FSTL5: variants seen among roughly 807,000 people sequenced by gnomAD.
FSTL5 encodes the protein follistatin like 5.
Under a neutral mutation model 89.1 loss-of-function variants are expected in FSTL5, and 62 were observed. The ratio of observed to expected loss-of-function variants is 0.70; its 90% CI spans 0.57 to 0.86. The LOEUF is 0.86. Ranked by LOEUF, FSTL5 falls within the 40% of genes least tolerant of loss-of-function variation. FSTL5 has a pLI of 0.00. For missense variants in FSTL5, 1,057 were observed against 1,001.6 expected, an observed-to-expected ratio of 1.06 and a Z score of -0.75; for synonymous variants, 383 against 346.2, an observed-to-expected ratio of 1.11 and a Z score of -1.18.
At chr4:161,430,043 G>T (rs1162284676) in intron 15 of FSTL5, among the ~76,000 whole-genome samples, 1 of 151,984 alleles carries the variant, frequency 6.6e-6, no homozygotes, top group Admixed American at 6.6e-5. Flanking sequence ...CAAAGAGATT[G>T]AAATAATTAA....
At chr4:162,024,837 T>G (rs1477673111) in intron 3 of FSTL5, among the ~76,000 whole-genome samples, 3 of 151,914 alleles carry the variant, frequency 2.0e-5, no homozygotes, top group African/African-American at 7.3e-5. Flanking sequence ...TTTTATTTTT[T>G]GTAGAGGCAG....
At chr4:161,461,803 CCTTT>C (rs1339275129) in intron 13 of FSTL5, among the ~76,000 whole-genome samples, 5 of 151,954 alleles carry the variant, frequency 3.3e-5, no homozygotes, top group African/African-American at 1.2e-4. Context: ...TCATATTTTC[CCTTT>C]CTATGTTAAA....
intron 10 of FSTL5, among the ~76,000 whole-genome samples, chr4:161,511,594 G>A (rs1730655472): frequency 6.6e-6 from 1 of 152,026 alleles, no homozygotes; most frequent in Non-Finnish European, 1.5e-5. Context: ...GGTGATGGAT[G>A]TGTTAATGAT....
chr4:162,151,441 G>C (rs1733221570), intron 1 of FSTL5, among the ~76,000 whole-genome samples: 1 of 152,124 alleles, frequency 6.6e-6, no homozygotes, highest in African/African-American at 2.4e-5. Flanking sequence ...AAGTTTGAAA[G>C]GTTCTGAAAT....
chr4:162,028,971 T>C (rs2111183058), intron 3 of FSTL5, among the ~76,000 whole-genome samples: 1 of 152,302 alleles, frequency 6.6e-6, no homozygotes, highest in South Asian at 2.1e-4. Context: ...TGGAGTTCAC[T>C]ATTTCCATTC....
At chr4:161,802,422 T>C (rs566567984) in intron 4 of FSTL5, among the ~76,000 whole-genome samples, 1 of 151,798 alleles carries the variant, frequency 6.6e-6, no homozygotes, top group South Asian at 2.1e-4. Context: ...TGGCAAATGA[T>C]GAGATAGGCA....
intron 1 of FSTL5, among the ~76,000 whole-genome samples, chr4:162,132,002 G>A (rs1037087638): frequency 1.2e-4 from 18 of 152,314 alleles, no homozygotes; most frequent in African/African-American, 4.3e-4. Context: ...TATAGGTGGC[G>A]CAAGCCTCAG....
intron 4 of FSTL5, among the ~76,000 whole-genome samples, chr4:161,869,959 C>T (rs570492162): frequency 6.6e-6 from 1 of 152,180 alleles, no homozygotes; most frequent in South Asian, 2.1e-4. Context: ...TCCTATCTCA[C>T]TTTCCCATTT....
intron 5 of FSTL5, among the ~76,000 whole-genome samples, chr4:161,763,392 T>C (rs1048920396): frequency 6.6e-6 from 1 of 152,292 alleles, no homozygotes; most frequent in South Asian, 2.1e-4. Flanking sequence ...CTCCCAAGTA[T>C]AGAGAGGTAT....
chr4:161,841,675 G>C (rs1418833723), intron 4 of FSTL5, among the ~76,000 whole-genome samples: 1 of 152,204 alleles, frequency 6.6e-6, no homozygotes, highest in East Asian at 1.9e-4. Context: ...ATCGTTGGTA[G>C]TATTAAGTGT....
At chr4:161,415,708 C>CAT (rs894440524) in intron 15 of FSTL5, among the ~76,000 whole-genome samples, 12 of 144,920 alleles carry the variant, frequency 8.3e-5, no homozygotes, top group East Asian at 6.1e-4. Flanking sequence ...AGAGAGAGAA[C>CAT]ATATATATAT....
chr4:161,860,435 G>C (rs1285955389), intron 4 of FSTL5, among the ~76,000 whole-genome samples: 5 of 152,164 alleles, frequency 3.3e-5, no homozygotes, highest in Non-Finnish European at 7.3e-5. Context: ...CAAAAGCATG[G>C]AAAGCTTTGA....
In FSTL5 at chr4:161,834,749, G is replaced by A. The variant is rs565630594; in HGVS notation, c.410-58675C>T. 9.3e-4 allele frequency among the ~76,000 whole-genome samples: 142 copies of A among 152,228 alleles called. 1 individual carries two copies. Among genetic ancestry groups the A allele is most frequent in the Middle Eastern group, 3.4e-3 (1 of 294 alleles). On this transcript the variant is annotated intron_variant, in intron 4 of 15. Transcript: ENST00000306100. ...CCTAGGAATCCAACTTACAAGGGAC[G>A]TGAAGGACCTCTTCAAGGAGAACTA...
intron 4 of FSTL5, among the ~76,000 whole-genome samples, chr4:161,855,453 A>G (rs1579144618): frequency 6.6e-6 from 1 of 152,104 alleles, no homozygotes; most frequent in East Asian, 1.9e-4. Flanking sequence ...AATACTAAAT[A>G]ATAATTTGTT....
chr4:161,443,751 A>T (rs1157709091), intron 15 of FSTL5, among the ~76,000 whole-genome samples: 1 of 151,892 alleles, frequency 6.6e-6, no homozygotes, highest in East Asian at 1.9e-4. Flanking sequence ...TGGCTAGGAG[A>T]TTGATAACAA....
intron 15 of FSTL5, among the ~76,000 whole-genome samples, chr4:161,441,478 C>G (rs1383101010): frequency 6.6e-6 from 1 of 151,976 alleles, no homozygotes; most frequent in Non-Finnish European, 1.5e-5. Context: ...CAAATTTCAC[C>G]AATTAACAAA....
In FSTL5 at chr4:161,976,353, C is replaced by T. The variant is rs79533328; in HGVS notation, c.161-55701G>A. Among the ~76,000 whole-genome samples the T allele has an allele frequency of 2.2e-4, 33 of 152,186 alleles. No homozygotes were observed. In the East Asian group the frequency reaches 6.4e-3, roughly 29 times the overall value. ...GATTAATTCAAGATATGCATACGGGCTGGTAAAGGAAAATTAAGATATATT... is the reference window on the plus strand; with the variant it reads ...GATTAATTCAAGATATGCATACGGGTTGGTAAAGGAAAATTAAGATATATT... On this transcript the variant is annotated intron_variant, in intron 3 of 15. Coordinates refer to ENST00000306100, the MANE Select transcript of FSTL5 (RefSeq NM_020116.5).
chr4:161,915,121 G>C (rs972234896), intron 4 of FSTL5, among the ~76,000 whole-genome samples: 1 of 151,996 alleles, frequency 6.6e-6, no homozygotes, highest in African/African-American at 2.4e-5. Flanking sequence ...GAATGTTGAT[G>C]GGCCATTTTT....
chr4:161,635,488 A>C (rs1735655928), intron 7 of FSTL5, among the ~76,000 whole-genome samples: 1 of 71,202 alleles, frequency 1.4e-5, no homozygotes, highest in Non-Finnish European at 2.5e-5. Flanking sequence ...TCTTGTTACA[A>C]ATTAAAAAAA....
Sources: allele counts gnomAD v4.1 joint callset (sites outside exome capture counted in the v4.1 genomes callset), GRCh38; gene constraint gnomAD v4.1.1; transcripts MANE v1.5; gene names NCBI Gene and HGNC (gene_info 2026-07-23, HGNC 2026-07-21).